Variants in GNG7 observed in about 807,000 individuals in gnomAD.
GNG7 encodes guanine nucleotide-binding protein G(I)/G(S)/G(O) subunit gamma-7.
A neutral mutation model predicts 4.0 loss-of-function variants in GNG7; 1 was observed. The ratio of observed to expected loss-of-function variants is 0.25; its 90% CI spans 0.09 to 1.18. The LOEUF (loss-of-function observed/expected upper bound fraction) is 1.18. Ranked by LOEUF, GNG7 falls within the 50% of genes most tolerant of loss-of-function variation. GNG7 has a pLI of 0.50. For missense variants in GNG7, 86 were observed against 91.9 expected (o/e 0.94, Z 0.26); for synonymous variants, 34 against 36.9 (o/e 0.92, Z 0.29).
chr19:2,592,714 G>A (rs559590195), intron 2 of GNG7, among the ~76,000 whole-genome samples: 33 of 122,460 alleles, frequency 2.7e-4, no homozygotes, highest in African/African-American at 1.0e-3. Context: ...TCCAGCCTGG[G>A]TGACAGAGCA....
chr19:2,654,776 C>G (rs1214731301), intron 1 of GNG7, among the ~76,000 whole-genome samples: 1 of 114,584 alleles, frequency 8.7e-6, no homozygotes, highest in Non-Finnish European at 2.0e-5. Flanking sequence ...AATGCAGGGT[C>G]TCCCCCCTCT....
chr19:2,697,607 C>G lies in GNG7; in HGVS notation c.-135+5039G>C, dbSNP rs186366335. Among the ~76,000 whole-genome samples the G allele has an allele frequency of 5.5e-4, 83 of 152,276 alleles. 1 individual carries two copies. The highest frequency in any genetic ancestry group is 9.3e-4 in the Non-Finnish European group (63 of 68,020). The stretch of plus-strand genomic sequence containing the variant: ...AGTGAAGTCAAGAAATGTCAACGAG[C>G]GGGGAGAGGCGCCCGACATCAACAA... On this transcript the variant is annotated intron_variant, in intron 1 of 4. Coordinates refer to ENST00000382159, the MANE Select transcript of GNG7 (RefSeq NM_052847.3).
At chr19:2,650,662 C>G (rs766664877) in intron 1 of GNG7, among the ~76,000 whole-genome samples, 1 of 152,210 alleles carries the variant, frequency 6.6e-6, no homozygotes, top group African/African-American at 2.4e-5. Context: ...GGGTCAGAGG[C>G]GAGCACAGCG....
rs577714804 is a variant in GNG7 at position 2,513,750 on chromosome 19, G to A, written c.*1272C>T. 2.3e-5 allele frequency: 4 copies of A among 172,690 alleles called. No individual in the cohort carries two copies. Among genetic ancestry groups the A allele is most frequent in the Non-Finnish European group, 3.5e-5 (3 of 86,754 alleles). 10.7% of individuals were successfully genotyped at this position (172,690 alleles called of 1,614,324 possible). A position where few individuals can be genotyped will look rare whatever the true frequency, so the allele number is the denominator to read the frequency against. On this transcript the variant is annotated 3_prime_UTR_variant, in exon 5 of 5. Coordinates refer to ENST00000382159, the MANE Select transcript of GNG7 (RefSeq NM_052847.3). ...CACTCCAAGATCATGGAACAATTTT[G>A]TACACACAGCAGCACAGGGTAGCCC...
At chr19:2,560,606 C>T (rs560481239) in intron 2 of GNG7, among the ~76,000 whole-genome samples, 1 of 152,188 alleles carries the variant, frequency 6.6e-6, no homozygotes, top group South Asian at 2.1e-4. Context: ...GACGGCCCTG[C>T]TCCAGAGAAG....
chr19:2,524,254 C>T (rs564682618), intron 3 of GNG7, among the ~76,000 whole-genome samples: 1 of 152,296 alleles, frequency 6.6e-6, no homozygotes, highest in East Asian at 1.9e-4. Context: ...CTGTTTTGGG[C>T]GAAATTCCCT....
chr19:2,669,188 G>A (rs955727933), intron 1 of GNG7, among the ~76,000 whole-genome samples: 2 of 152,166 alleles, frequency 1.3e-5, no homozygotes, highest in African/African-American at 2.4e-5. Flanking sequence ...AACATGGCAA[G>A]AATCAGAAAA....
At chr19:2,698,392 C>A (rs1330597882) in intron 1 of GNG7, among the ~76,000 whole-genome samples, 1 of 151,862 alleles carries the variant, frequency 6.6e-6, no homozygotes, top group South Asian at 2.1e-4. Context: ...GGTGAAACCC[C>A]GTCTCTACTA....
At position 2,557,519 on chromosome 19, in the gene GNG7, C is replaced by T. The variant is rs1979603209; in HGVS notation, c.-77-2331G>A. The stretch of plus-strand genomic sequence containing the variant: ...CAAAGGCACCTGCACTCACAAAAGA[C>T]TCAGAGGCTCCGCCTGGCCGGGTCA... On this transcript the variant is annotated intron_variant, in intron 2 of 4. Coordinates refer to ENST00000382159, the MANE Select transcript of GNG7 (RefSeq NM_052847.3). The surrounding 1 kb of genome is among the most constrained non-coding windows in gnomAD (Gnocchi z 5.1). 6.6e-6 allele frequency among the ~76,000 whole-genome samples: 1 copy of T among 152,246 alleles called. No individual in the cohort carries two copies. Among genetic ancestry groups the T allele is most frequent in the Admixed American group, 6.5e-5 (1 of 15,278 alleles).
chr19:2,637,326 C>T (rs1012889248), intron 2 of GNG7, among the ~76,000 whole-genome samples: 6 of 152,070 alleles, frequency 3.9e-5, no homozygotes, highest in African/African-American at 1.2e-4. Flanking sequence ...TCAGGACAGG[C>T]AGCCACGGCC....
At chr19:2,582,095 A>C (rs1980520596) in intron 2 of GNG7, among the ~76,000 whole-genome samples, 2 of 152,240 alleles carry the variant, frequency 1.3e-5, no homozygotes, top group Admixed American at 6.5e-5. Flanking sequence ...AATCAATAAA[A>C]GTGAACAAAC....
chr19:2,658,220 C>G (rs532641752), intron 1 of GNG7, among the ~76,000 whole-genome samples: 2 of 152,236 alleles, frequency 1.3e-5, no homozygotes, highest in African/African-American at 4.8e-5. Context: ...TTCTCAAACG[C>G]CCCTCACCCA....
chr19:2,680,265 T>C (rs992891731), intron 1 of GNG7, among the ~76,000 whole-genome samples: 5 of 151,224 alleles, frequency 3.3e-5, no homozygotes, highest in African/African-American at 1.2e-4. Context: ...CTCTCTGCCT[T>C]AGCCTCCCCG....
chr19:2,628,549 G>A (rs185782493), intron 2 of GNG7, among the ~76,000 whole-genome samples: 8 of 150,122 alleles, frequency 5.3e-5, no homozygotes, highest in Admixed American at 4.0e-4. Context: ...AACATAAGAC[G>A]GATCATCTTA....
At chr19:2,671,078 C>T (rs926394097) in intron 1 of GNG7, among the ~76,000 whole-genome samples, 3 of 151,324 alleles carry the variant, frequency 2.0e-5, no homozygotes. Flanking sequence ...CAGGGTCTCT[C>T]CCCCTTGGAA....
At chr19:2,655,052 T>A (rs1982930340) in intron 1 of GNG7, among the ~76,000 whole-genome samples, 1 of 151,884 alleles carries the variant, frequency 6.6e-6, no homozygotes, top group Admixed American at 6.6e-5. Flanking sequence ...TAGCCAGGTG[T>A]GGTGGTCTGC....
chr19:2,576,964 G>C (rs551539319), intron 2 of GNG7, among the ~76,000 whole-genome samples: 1 of 152,258 alleles, frequency 6.6e-6, no homozygotes, highest in Non-Finnish European at 1.5e-5. Flanking sequence ...GATTACAGGC[G>C]TGGGCCTCTG....
chr19:2,669,393 G>C (rs1031241416), intron 1 of GNG7, among the ~76,000 whole-genome samples: 3 of 152,186 alleles, frequency 2.0e-5, no homozygotes, highest in African/African-American at 7.2e-5. Context: ...GGGAGACTGA[G>C]GCAAGAGAAT....
At chr19:2,639,533 G>A (rs79340277) in intron 2 of GNG7, among the ~76,000 whole-genome samples, 239 of 14,316 alleles carry the variant, frequency 0.017, 1 homozygote, top group Non-Finnish European at 0.028. Flanking sequence ...GGGAACGAGC[G>A]CTCCAGGAAG....
Sources: gnomAD v4.1 joint callset for allele counts (sites outside exome capture counted in the v4.1 genomes callset) on GRCh38, gnomAD v4.1.1 for gene constraint, Gnocchi (gnomAD v3.1) non-coding constraint, MANE v1.5 for transcripts, NCBI Gene and HGNC (gene_info 2026-07-23, HGNC 2026-07-21) for gene names.